PLEKHA5: variants seen among roughly 807,000 people sequenced by gnomAD.
PLEKHA5 encodes pleckstrin homology domain containing A5, also known as pleckstrin homology domain-containing family A member 5.
A neutral mutation model predicts 181.9 loss-of-function variants in PLEKHA5; 55 were observed. That is an observed-to-expected ratio of 0.30 (90% CI 0.24 to 0.38). The LOEUF (loss-of-function observed/expected upper bound fraction) is 0.38, where lower values mean the gene tolerates loss of function less well. PLEKHA5 is among the 10% of genes least tolerant of loss of function. PLEKHA5 has a pLI of 1.00. For synonymous variants in PLEKHA5, 535 were observed against 529.4 expected, an observed-to-expected ratio of 1.01 and a Z score of -0.15; for missense variants, 1,432 against 1,549.5, an observed-to-expected ratio of 0.92 and a Z score of 1.27.
chr12:19,270,225 T>C lies in PLEKHA5; in HGVS notation c.845+20T>C. ...TTTCCGGTGAGTACGTTTTTAATTG[T>C]TACCTTAAAGCTACACAGATTTTTA... On this transcript the variant is annotated intron_variant, in intron 10 of 31. Coordinates refer to ENST00000429027, the MANE Select transcript of PLEKHA5 (RefSeq NM_001256470.2). 1 of 1,357,396 alleles carries C rather than the reference T, an allele frequency of 7.4e-7. No homozygotes were observed. Among genetic ancestry groups the C allele is most frequent in the Non-Finnish European group, 9.9e-7 (1 of 1,008,152 alleles). The allele number at this position is 1,357,396 out of a possible 1,614,324, so 84.1% of individuals were successfully genotyped here.
At chr12:19,155,825 G>C (rs1193412486) in intron 3 of PLEKHA5, among the ~76,000 whole-genome samples, 1 of 152,134 alleles carries the variant, frequency 6.6e-6, no homozygotes, top group East Asian at 1.9e-4. Flanking sequence ...ATACCTTACT[G>C]TCCTGAATGT....
chr12:19,240,194 C>G lies in PLEKHA5; in HGVS notation c.228-13746C>G, dbSNP rs2062220541. 2.0e-5 allele frequency among the ~76,000 whole-genome samples: 3 copies of G among 152,084 alleles called. No homozygotes were observed. In the South Asian group the frequency reaches 6.2e-4, roughly 32 times the overall value. ...CTTTTGAATTGAACTGTTACTCTGT[C>G]AGTTTGACTCTACTGGAAAGAATGT... is the stretch of plus-strand genomic sequence containing the variant. On this transcript the variant is annotated intron_variant, in intron 3 of 31. Transcript: ENST00000429027.
At chr12:19,255,001 G>A (rs776719655) in intron 4 of PLEKHA5, 44 bp from the exon 5 acceptor site, 6 of 1,554,070 alleles carry the variant, frequency 3.9e-6, no homozygotes, top group Admixed American at 3.5e-5. Context: ...TATAAAGCGG[G>A]TTACATACAC....
At chr12:19,250,416 T>C (rs1428588106) in intron 3 of PLEKHA5, among the ~76,000 whole-genome samples, 1 of 152,058 alleles carries the variant, frequency 6.6e-6, no homozygotes, top group East Asian at 1.9e-4. Flanking sequence ...GAAACCCCTC[T>C]CTACTAAAAC....
At chr12:19,197,620 G>A (rs1380917722) in intron 3 of PLEKHA5, among the ~76,000 whole-genome samples, 5 of 151,708 alleles carry the variant, frequency 3.3e-5, no homozygotes, top group Non-Finnish European at 5.9e-5. Context: ...AAGATACACC[G>A]AGCATAGGAC....
At chr12:19,209,268 A>G (rs897543196) in intron 3 of PLEKHA5, among the ~76,000 whole-genome samples, 1 of 152,174 alleles carries the variant, frequency 6.6e-6, no homozygotes, top group Non-Finnish European at 1.5e-5. Flanking sequence ...GTTTATGGGG[A>G]CAACACTCCA....
intron 3 of PLEKHA5, among the ~76,000 whole-genome samples, chr12:19,174,478 T>C (rs1425098271): frequency 1.3e-5 from 2 of 152,184 alleles, no homozygotes; most frequent in Non-Finnish European, 2.9e-5. Context: ...ATGTTATTTG[T>C]TTTTTACTTC....
intron 3 of PLEKHA5, among the ~76,000 whole-genome samples, chr12:19,241,816 T>C (rs1363285390): frequency 6.6e-6 from 1 of 152,170 alleles, no homozygotes; most frequent in Non-Finnish European, 1.5e-5. Flanking sequence ...ACAATTTTTT[T>C]TTTAAAAAGA....
chr12:19,274,430 A>C, intron 10 of PLEKHA5, 86 bp from the exon 11 acceptor site: 1 of 911,384 alleles, frequency 1.1e-6, no homozygotes. Context: ...CACCCCCGTA[A>C]AGTATAATTT....
At chr12:19,195,221 T>G (rs1658571457) in intron 3 of PLEKHA5, among the ~76,000 whole-genome samples, 1 of 152,202 alleles carries the variant, frequency 6.6e-6, no homozygotes, top group African/African-American at 2.4e-5. Context: ...CTAGCACATG[T>G]GCCTGTCATC....
intron 3 of PLEKHA5, among the ~76,000 whole-genome samples, chr12:19,233,593 G>C (rs563802292): frequency 6.6e-6 from 1 of 152,268 alleles, no homozygotes; most frequent in East Asian, 1.9e-4. Context: ...TGGGAAACTA[G>C]GTTAAGTCAA....
chr12:19,342,551 G>T (rs1390542114), intron 21 of PLEKHA5, among the ~76,000 whole-genome samples: 1 of 152,106 alleles, frequency 6.6e-6, no homozygotes, highest in African/African-American at 2.4e-5. Flanking sequence ...AGCTACTCGG[G>T]AGGCTGAGGC....
chr12:19,314,396 T>C (rs1320523078), intron 15 of PLEKHA5, among the ~76,000 whole-genome samples: 1 of 152,148 alleles, frequency 6.6e-6, no homozygotes, highest in Non-Finnish European at 1.5e-5. Flanking sequence ...TTTATAACCT[T>C]ACACAGAACT....
intron 15 of PLEKHA5, among the ~76,000 whole-genome samples, chr12:19,312,912 A>C (rs2087080391): frequency 6.6e-6 from 1 of 152,160 alleles, no homozygotes; most frequent in Non-Finnish European, 1.5e-5. Context: ...CTTTTGATTT[A>C]AAGTGATAAG....
intron 20 of PLEKHA5, among the ~76,000 whole-genome samples, chr12:19,334,713 G>A (rs1267810209): frequency 6.8e-6 from 1 of 147,888 alleles, no homozygotes; most frequent in East Asian, 2.0e-4. Context: ...AGATGTGGTG[G>A]CTCACACCTG....
chr12:19,354,416 G>A (rs1244666988), intron 26 of PLEKHA5, among the ~76,000 whole-genome samples: 1 of 136,628 alleles, frequency 7.3e-6, no homozygotes, highest in African/African-American at 2.7e-5. Flanking sequence ...GCCTCCCAAA[G>A]TGCTGGGATT....
At chr12:19,316,580 A>G (rs1300148851) in intron 16 of PLEKHA5, among the ~76,000 whole-genome samples, 2 of 152,164 alleles carry the variant, frequency 1.3e-5, no homozygotes, top group Non-Finnish European at 2.9e-5. Context: ...CTGAATGTCT[A>G]ATGTCAGCAG....
intron 3 of PLEKHA5, among the ~76,000 whole-genome samples, chr12:19,248,921 A>T (rs1202700930): frequency 2.6e-5 from 4 of 152,280 alleles, no homozygotes; most frequent in Admixed American, 2.6e-4. Context: ...TAATAATTGT[A>T]AATAACATTT....
chr12:19,142,589 T>A (rs2037704490), intron 3 of PLEKHA5, among the ~76,000 whole-genome samples: 1 of 152,214 alleles, frequency 6.6e-6, no homozygotes, highest in Admixed American at 6.5e-5. Flanking sequence ...AGATGTAGTC[T>A]GATAACAATA....
Sources: gnomAD v4.1 joint callset for allele counts (sites outside exome capture counted in the v4.1 genomes callset) on GRCh38, gnomAD v4.1.1 for gene constraint, MANE v1.5 for transcripts, NCBI Gene and HGNC (gene_info 2026-07-23, HGNC 2026-07-21) for gene names.